The following DCC variants were observed in gnomAD, a reference collection of about 807,000 sequenced individuals.
The protein encoded by DCC is DCC netrin 1 receptor, also known as netrin receptor DCC.
Under a neutral mutation model 172.5 loss-of-function variants are expected in DCC, and 58 were observed. The observed-to-expected ratio is 0.34, with a 90% CI of 0.27 to 0.42. The LOEUF is 0.42. Among genes scored for constraint, DCC ranks in the 10% least tolerant of loss-of-function variants. The pLI is 1.00. For synonymous variants in DCC, 709 were observed against 644.5 expected, an observed-to-expected ratio of 1.10 and a Z score of -1.52; for missense variants, 1,740 against 1,791.0, an observed-to-expected ratio of 0.97 and a Z score of 0.51.
At chr18:52,674,333 A>G (rs2144976383) in intron 1 of DCC, among the ~76,000 whole-genome samples, 1 of 152,242 alleles carries the variant, frequency 6.6e-6, no homozygotes, top group East Asian at 1.9e-4. Context: ...GGGCAGGAGA[A>G]CAATGATGTT....
chr18:52,839,334 G>T (rs918781695), intron 2 of DCC, among the ~76,000 whole-genome samples: 1 of 152,134 alleles, frequency 6.6e-6, no homozygotes, highest in Admixed American at 6.6e-5. Context: ...ACAATAAAAG[G>T]TTGCAGCTAC....
intron 2 of DCC, among the ~76,000 whole-genome samples, chr18:52,789,692 CTG>C (rs1034365998): frequency 3.9e-5 from 6 of 152,108 alleles, no homozygotes; most frequent in African/African-American, 1.4e-4. Flanking sequence ...GCTTTTGAAA[CTG>C]TCATTGCAAA....
chr18:53,108,113 T>C (rs2043276998), intron 7 of DCC, among the ~76,000 whole-genome samples: 1 of 151,784 alleles, frequency 6.6e-6, no homozygotes, highest in African/African-American at 2.4e-5. Context: ...GTTTGCTTTC[T>C]TTTATATATT....
chr18:52,657,405 A>AAT (rs2035276634), intron 1 of DCC, among the ~76,000 whole-genome samples: 2 of 152,158 alleles, frequency 1.3e-5, no homozygotes, highest in Admixed American at 1.3e-4. Flanking sequence ...AACTAGAAAG[A>AAT]ATTTGCTGAG....
intron 5 of DCC, among the ~76,000 whole-genome samples, chr18:52,976,812 T>G (rs961609467): frequency 6.6e-6 from 1 of 152,342 alleles, no homozygotes; most frequent in South Asian, 2.1e-4. Flanking sequence ...CTGTTTTCAC[T>G]ATCTTACATA....
intron 5 of DCC, among the ~76,000 whole-genome samples, chr18:53,008,901 G>C (rs1354174429): frequency 6.6e-6 from 1 of 151,920 alleles, no homozygotes; most frequent in Non-Finnish European, 1.5e-5. Context: ...AATTAAAATA[G>C]TGTATATTAA....
At chr18:52,419,629 C>A (rs1023928552) in intron 1 of DCC, 1 of 151,782 alleles carries the variant, frequency 6.6e-6, no homozygotes, top group Non-Finnish European at 1.5e-5. Flanking sequence ...ATTCCTTTTG[C>A]CAAATACCCC....
chr18:52,917,015 G>T (rs1449231706), intron 3 of DCC, among the ~76,000 whole-genome samples: 1 of 149,752 alleles, frequency 6.7e-6, no homozygotes, highest in Non-Finnish European at 1.5e-5. Flanking sequence ...GGGCACAGTG[G>T]CTCATGCCCA....
intron 1 of DCC, among the ~76,000 whole-genome samples, chr18:52,688,417 T>TGGGTAAGTCCAATAATTTG (rs1289522781): frequency 6.6e-6 from 1 of 152,172 alleles, no homozygotes; most frequent in Non-Finnish European, 1.5e-5. Context: ...CAGGTATGTG[T>TGGGTAAGTCCAATAATTTG]GACTCTAAAT....
intron 1 of DCC, among the ~76,000 whole-genome samples, chr18:52,579,111 C>T (rs955501820): frequency 2.6e-5 from 4 of 152,330 alleles, no homozygotes; most frequent in African/African-American, 9.6e-5. Flanking sequence ...AAGGCCAGCA[C>T]TTCCTCTTAG....
intron 1 of DCC, among the ~76,000 whole-genome samples, chr18:52,637,101 C>T (rs1407185952): frequency 6.6e-6 from 1 of 152,188 alleles, no homozygotes; most frequent in Non-Finnish European, 1.5e-5. Context: ...CAGGAAGCCA[C>T]ATCCATAGGA....
intron 5 of DCC, among the ~76,000 whole-genome samples, chr18:52,960,209 A>T (rs2040820479): frequency 6.6e-6 from 1 of 152,116 alleles, no homozygotes; most frequent in Non-Finnish European, 1.5e-5. Context: ...TATATTACAA[A>T]CCTTGTAGTG....
At chr18:53,010,460 A>G (rs113407472) in intron 5 of DCC, among the ~76,000 whole-genome samples, 3,452 of 151,794 alleles carry the variant, frequency 0.023, 51 homozygotes, top group Middle Eastern at 0.052. Context: ...AATATTATCC[A>G]TTACTATTAA....
At chr18:52,802,295 G>C (rs780518623) in intron 2 of DCC, among the ~76,000 whole-genome samples, 8 of 152,014 alleles carry the variant, frequency 5.3e-5, no homozygotes, top group Non-Finnish European at 1.0e-4. Context: ...TGCCAGAGTA[G>C]CAATCTGGAG....
At chr18:52,538,168 C>T (rs145145604) in intron 1 of DCC, among the ~76,000 whole-genome samples, 2 of 152,186 alleles carry the variant, frequency 1.3e-5, no homozygotes, top group Non-Finnish European at 2.9e-5. Context: ...TCCGAAGTCT[C>T]CCAGTAGTCT....
chr18:53,461,679 A>C (rs928423018), intron 24 of DCC, among the ~76,000 whole-genome samples: 1 of 152,234 alleles, frequency 6.6e-6, no homozygotes, highest in African/African-American at 2.4e-5. Flanking sequence ...GAATTGCATA[A>C]ACAAGAAATA....
intron 14 of DCC, among the ~76,000 whole-genome samples, chr18:53,326,900 C>T (rs1266130789): frequency 6.6e-6 from 1 of 152,170 alleles, no homozygotes; most frequent in East Asian, 1.9e-4. Flanking sequence ...AAGGTAACTG[C>T]ATCATTAGGC....
intron 8 of DCC, among the ~76,000 whole-genome samples, chr18:53,165,659 G>T (rs1377592493): frequency 6.6e-6 from 1 of 152,150 alleles, no homozygotes; most frequent in Non-Finnish European, 1.5e-5. Context: ...TATTTCTCCA[G>T]TGGACTTAAT....
intron 1 of DCC, among the ~76,000 whole-genome samples, chr18:52,730,082 C>A (rs2036613933): frequency 6.6e-6 from 1 of 152,098 alleles, no homozygotes; most frequent in Non-Finnish European, 1.5e-5. Flanking sequence ...TAATTACTTG[C>A]AGTTTGTTTC....
Sources: gnomAD v4.1 joint callset for allele counts (sites outside exome capture counted in the v4.1 genomes callset) on GRCh38, gnomAD v4.1.1 for gene constraint, MANE v1.5 for transcripts, NCBI Gene and HGNC (gene_info 2026-07-23, HGNC 2026-07-21) for gene names.